SLC4A7: variants seen among roughly 807,000 people sequenced by gnomAD.
The protein encoded by SLC4A7 is solute carrier family 4 member 7.
Under a neutral mutation model 137.6 loss-of-function variants are expected in SLC4A7, and 51 were observed. The ratio of observed to expected loss-of-function variants is 0.37; its 90% CI spans 0.30 to 0.47. The LOEUF is 0.47. SLC4A7 is among the 20% of genes least tolerant of loss of function. The pLI, the probability that SLC4A7 is intolerant of heterozygous loss-of-function variation, is 1.00. For missense variants in SLC4A7, 1,247 were observed against 1,525.4 expected (o/e 0.82, Z 3.04); for synonymous variants, 542 against 518.6 (o/e 1.05, Z -0.61).
At chr3:27,481,416 A>T (rs188716627) in intron 1 of SLC4A7, among the ~76,000 whole-genome samples, 6 of 152,320 alleles carry the variant, frequency 3.9e-5, no homozygotes, top group African/African-American at 1.4e-4. Flanking sequence ...TTTTTTGCAT[A>T]ATTACAAATC....
intron 8 of SLC4A7, chr3:27,422,778 T>C (rs752759041): frequency 2.2e-6 from 1 of 455,774 alleles, no homozygotes; most frequent in South Asian, 1.6e-5. Context: ...AACCAGCACT[T>C]ACAGCGGGCC....
At chr3:27,406,639 A>G (rs1465966023) in intron 13 of SLC4A7, among the ~76,000 whole-genome samples, 1 of 152,182 alleles carries the variant, frequency 6.6e-6, no homozygotes, top group Non-Finnish European at 1.5e-5. Flanking sequence ...AGTCAAAGGA[A>G]AAAAATGGGC....
At chr3:27,461,062 C>T (rs1283160306) in intron 1 of SLC4A7, among the ~76,000 whole-genome samples, 4 of 152,132 alleles carry the variant, frequency 2.6e-5, no homozygotes, top group East Asian at 1.9e-4. Context: ...TCACTTGTTA[C>T]GCGAGCTGCA....
At chr3:27,384,083 G>C (rs1422423342) in intron 23 of SLC4A7, among the ~76,000 whole-genome samples, 1 of 152,112 alleles carries the variant, frequency 6.6e-6, no homozygotes, top group Non-Finnish European at 1.5e-5. Context: ...GGACAGTAGA[G>C]GAGACACTGA....
At chr3:27,398,447 T>A in intron 16 of SLC4A7, 94 bp from the exon 17 acceptor site, 7 of 1,058,808 alleles carry the variant, frequency 6.6e-6, no homozygotes, top group Middle Eastern at 2.1e-4. Context: ...TGCAACTGAT[T>A]GTAAGAGGCA....
chr3:27,418,407 T>C, intron 11 of SLC4A7, 79 bp downstream of exon 11: 2 of 1,125,376 alleles, frequency 1.8e-6, no homozygotes, highest in Non-Finnish European at 1.3e-6. Context: ...TTCTCTGTTT[T>C]GGTTTTTGAA....
intron 15 of SLC4A7, among the ~76,000 whole-genome samples, chr3:27,401,655 A>G (rs34619162): frequency 0.025 from 3,869 of 152,304 alleles, 66 homozygotes; most frequent in Non-Finnish European, 0.028. Flanking sequence ...TATGATGTGA[A>G]TAAGTAACAC....
At chr3:27,440,739 CAAAA>C (rs1310399056) in intron 3 of SLC4A7, among the ~76,000 whole-genome samples, 1 of 149,340 alleles carries the variant, frequency 6.7e-6, no homozygotes, top group Admixed American at 6.7e-5. Flanking sequence ...AAAATAAAAA[CAAAA>C]ATAAATAAAT....
intron 8 of SLC4A7, chr3:27,422,818 C>T (rs1433482558): frequency 2.2e-6 from 1 of 456,208 alleles, no homozygotes; most frequent in South Asian, 1.5e-5. Flanking sequence ...TGTGCCACAA[C>T]TACAGTGCCA....
At chr3:27,386,091 G>T in intron 22 of SLC4A7, 68 bp from the exon 23 acceptor site, 1 of 1,226,630 alleles carries the variant, frequency 8.2e-7, no homozygotes, top group Non-Finnish European at 1.1e-6. Context: ...AAGAGGAAAA[G>T]CATATTTATT....
At chr3:27,414,136 C>T (rs1331065607) in intron 11 of SLC4A7, among the ~76,000 whole-genome samples, 5 of 152,004 alleles carry the variant, frequency 3.3e-5, no homozygotes, top group East Asian at 1.9e-4. Context: ...AAAAATTAGC[C>T]GGACATGGTG....
intron 3 of SLC4A7, 131 bp from the exon 4 acceptor site, chr3:27,437,657 T>C (rs1406492194): frequency 2.1e-5 from 9 of 432,550 alleles, no homozygotes; most frequent in Non-Finnish European, 3.1e-5. Context: ...CTCTCTTAAT[T>C]ATTGAACTAT....
intron 7 of SLC4A7, among the ~76,000 whole-genome samples, chr3:27,429,044 G>A (rs2150354910): frequency 6.6e-6 from 1 of 152,166 alleles, no homozygotes; most frequent in Middle Eastern, 3.4e-3. Flanking sequence ...CAGGCAGGCA[G>A]ATCACGAGGT....
In SLC4A7 at chr3:27,418,504, T is replaced by C. The variant is rs757721119; in HGVS notation, c.1641A>G (p.Pro547=). Residue 547 remains proline, a synonymous_variant, in exon 11 of 26, where the codon CCA becomes CCG. Transcript: ENST00000454389. ...TTCTTACCTGAGAAGGGACACTTTT[T>C]GGTGGTTCTATGCGTATAGAAGGAT... ...EWDPSIRIEP[P]KSVPSQEKRK... 2 of 1,608,810 alleles carry C rather than the reference T, an allele frequency of 1.2e-6. No homozygotes were observed. The highest frequency in any genetic ancestry group is 3.4e-5 in the Admixed American group (2 of 59,322).
intron 16 of SLC4A7, 23 bp downstream of exon 16, chr3:27,400,741 C>T (rs375777723): frequency 1.1e-4 from 147 of 1,385,572 alleles, no homozygotes; most frequent in Non-Finnish European, 1.4e-4. Flanking sequence ...ATTACAAAAC[C>T]CTTTATTTCA....
intron 1 of SLC4A7, among the ~76,000 whole-genome samples, chr3:27,452,867 G>A (rs1576562867): frequency 6.6e-6 from 1 of 152,102 alleles, no homozygotes; most frequent in African/African-American, 2.4e-5. Context: ...TTTCTTTCTT[G>A]ATCTTTGCTC....
At chr3:27,401,450 C>T (rs1042498653) in intron 15 of SLC4A7, among the ~76,000 whole-genome samples, 3 of 152,104 alleles carry the variant, frequency 2.0e-5, no homozygotes, top group Non-Finnish European at 4.4e-5. Flanking sequence ...CTAGAACACA[C>T]GTAAGCAAAG....
chr3:27,419,069 T>C (rs1183449732), intron 10 of SLC4A7, among the ~76,000 whole-genome samples: 1 of 152,156 alleles, frequency 6.6e-6, no homozygotes, highest in African/African-American at 2.4e-5. Flanking sequence ...AAAATACAAT[T>C]CTAAGCATTG....
intron 1 of SLC4A7, among the ~76,000 whole-genome samples, chr3:27,472,736 G>A (rs1029989766): frequency 7.9e-5 from 12 of 152,204 alleles, no homozygotes; most frequent in African/African-American, 2.9e-4. Context: ...TCTAATCAAT[G>A]AAACAATTTC....
Sources: allele counts gnomAD v4.1 joint callset (sites outside exome capture counted in the v4.1 genomes callset), GRCh38; gene constraint gnomAD v4.1.1; transcripts MANE v1.5; gene names NCBI Gene and HGNC (gene_info 2026-07-23, HGNC 2026-07-21).